Variants in MTHFS observed in about 807,000 individuals in gnomAD.
The protein encoded by MTHFS is 5-formyltetrahydrofolate cyclo-ligase.
Under a neutral mutation model 12.7 loss-of-function variants are expected in MTHFS, and 7 were observed. The ratio of observed to expected loss-of-function variants is 0.55; its 90% confidence interval spans 0.31 to 1.03. The LOEUF is 1.03. MTHFS is among the 50% of genes least tolerant of loss of function. The pLI is 0.05. For missense variants in MTHFS, 252 were observed against 258.1 expected (o/e 0.98, Z 0.16); for synonymous variants, 100 against 97.1 (o/e 1.03, Z -0.18).
At chr15:79,868,900 G>GCACA (rs995749711) in intron 2 of MTHFS, among the ~76,000 whole-genome samples, 4 of 151,996 alleles carry the variant, frequency 2.6e-5, no homozygotes, top group African/African-American at 9.7e-5. Flanking sequence ...AGATGTACAC[G>GCACA]CACACACACA....
intron 1 of MTHFS, among the ~76,000 whole-genome samples, chr15:79,893,924 A>G (rs2034519978): frequency 1.3e-5 from 2 of 152,208 alleles, no homozygotes; most frequent in African/African-American, 2.4e-5. Flanking sequence ...TACAGTGCCA[A>G]TAAGAATAAA....
chr15:79,864,544 CAACAAAAAAAAAAAAAAAAAAAAA>C (rs1215002456), intron 2 of MTHFS, among the ~76,000 whole-genome samples: 2 of 23,694 alleles, frequency 8.4e-5, no homozygotes, highest in African/African-American at 4.1e-4. Context: ...GACTCCATCT[CAACAAAAAAAAAAAAAAAAAAAAA>C]AAAAAAAAAA....
At chr15:79,852,531 C>G (rs2033733955) in intron 2 of MTHFS, among the ~76,000 whole-genome samples, 1 of 152,202 alleles carries the variant, frequency 6.6e-6, no homozygotes, top group African/African-American at 2.4e-5. Context: ...TTTTGGCCAT[C>G]TGGGAATATT....
chr15:79,881,577 G>GAA lies in MTHFS; in HGVS notation c.379+7514_379+7515dup, dbSNP rs369497390. On this transcript the variant is annotated intron_variant, in intron 2 of 2. Coordinates refer to ENST00000258874, the MANE Select transcript of MTHFS (RefSeq NM_006441.4). ...GTATTTAGCCGAATACAAAATGACT[G>GAA]AAAAAAAAAAAAAAGCTTAACTTTG... 1.8e-4 allele frequency among the ~76,000 whole-genome samples: 23 copies of GAA among 126,344 alleles called. No individual in the cohort carries two copies. The South Asian group carries it at 2.0e-3, about 11-fold the overall frequency. 82.9% of individuals were successfully genotyped at this position (126,344 alleles called of 152,430 possible).
intron 2 of MTHFS, among the ~76,000 whole-genome samples, chr15:79,863,871 T>C (rs1291389877): frequency 6.6e-6 from 1 of 152,210 alleles, no homozygotes; most frequent in East Asian, 1.9e-4. Context: ...CTCACTGATA[T>C]TTTGAAGTTT....
chr15:79,881,434 G>A (rs779326599), intron 2 of MTHFS, among the ~76,000 whole-genome samples: 7 of 152,228 alleles, frequency 4.6e-5, no homozygotes, highest in Non-Finnish European at 8.8e-5. Flanking sequence ...TTCTAAAGCC[G>A]CTGCAAAAGA....
At position 79,845,086 on chromosome 15, in the gene MTHFS, T is replaced by C; in HGVS notation, c.*124A>G. Reference sequence around the variant, plus strand: ...ATATAAGGTATTTCATAATTACAATTTTAAAATGCAGTCTGTATTCACATT... The same window carrying C: ...ATATAAGGTATTTCATAATTACAATCTTAAAATGCAGTCTGTATTCACATT... On this transcript the variant is annotated 3_prime_UTR_variant, in exon 3 of 3. Coordinates refer to ENST00000258874, the MANE Select transcript of MTHFS (RefSeq NM_006441.4). 1 of 1,271,206 alleles carries C rather than the reference T, an allele frequency of 7.9e-7. No homozygotes were observed. Among genetic ancestry groups the C allele is most frequent in the South Asian group, 1.5e-5 (1 of 65,400 alleles). The allele number at this position is 1,271,206 out of a possible 1,614,324, so 78.7% of individuals were successfully genotyped here.
intron 2 of MTHFS, among the ~76,000 whole-genome samples, chr15:79,858,392 TG>T (rs1165883639): frequency 5.3e-5 from 8 of 152,212 alleles, no homozygotes; most frequent in African/African-American, 1.7e-4. Flanking sequence ...GGTGGCCTAT[TG>T]TATCAACCAC....
intron 2 of MTHFS, among the ~76,000 whole-genome samples, chr15:79,888,871 G>A (rs899699757): frequency 6.6e-6 from 1 of 152,144 alleles, no homozygotes; most frequent in Non-Finnish European, 1.5e-5. Flanking sequence ...ACAAGGTAGG[G>A]CAACAATATG....
At chr15:79,855,268 T>C (rs1034917686) in intron 2 of MTHFS, among the ~76,000 whole-genome samples, 1 of 152,230 alleles carries the variant, frequency 6.6e-6, no homozygotes, top group African/African-American at 2.4e-5. Flanking sequence ...ATTTAAACTC[T>C]CTTTACTGCA....
chr15:79,872,139 G>A (rs570989758), intron 2 of MTHFS, among the ~76,000 whole-genome samples: 1 of 148,630 alleles, frequency 6.7e-6, no homozygotes, highest in South Asian at 2.1e-4. Flanking sequence ...TTTAAGTATA[G>A]CTACTTTATT....
intron 1 of MTHFS, among the ~76,000 whole-genome samples, chr15:79,890,823 G>C (rs2034460767): frequency 6.6e-6 from 1 of 152,210 alleles, no homozygotes; most frequent in African/African-American, 2.4e-5. Flanking sequence ...TTTGAGGCCT[G>C]AAATGGGCAA....
chr15:79,894,177 T>C (rs1019334913), intron 1 of MTHFS, among the ~76,000 whole-genome samples: 2 of 152,148 alleles, frequency 1.3e-5, no homozygotes, highest in African/African-American at 4.8e-5. Flanking sequence ...GAGGTCGAGT[T>C]CGAGACCACC....
intron 1 of MTHFS, 59 bp downstream of exon 1, chr15:79,896,813 G>T (rs976271673): frequency 2.3e-5 from 36 of 1,534,766 alleles, no homozygotes; most frequent in Non-Finnish European, 2.7e-5. Context: ...AGCAATCGCT[G>T]GCCGCCAGGC....
At chr15:79,861,469 G>GA (rs2033912087) in intron 2 of MTHFS, among the ~76,000 whole-genome samples, 1 of 152,190 alleles carries the variant, frequency 6.6e-6, no homozygotes, top group Non-Finnish European at 1.5e-5. Flanking sequence ...CTCACTCAGG[G>GA]AGAGGTCAAC....
chr15:79,896,714 GGGC>G, intron 1 of MTHFS, 155 bp downstream of exon 1: 1 of 1,269,916 alleles, frequency 7.9e-7, no homozygotes, highest in Non-Finnish European at 1.0e-6. Context: ...CACGACTAGG[GGGC>G]GTGCGCGCGC....
chr15:79,850,277 C>T (rs1326670866), intron 2 of MTHFS, among the ~76,000 whole-genome samples: 2 of 152,180 alleles, frequency 1.3e-5, no homozygotes, highest in Non-Finnish European at 2.9e-5. Context: ...CTTTTACAAT[C>T]TTACCTTAGA....
At chr15:79,849,022 T>C (rs1566986451) in intron 2 of MTHFS, among the ~76,000 whole-genome samples, 2 of 152,210 alleles carry the variant, frequency 1.3e-5, no homozygotes, top group Admixed American at 6.5e-5. Context: ...AATATAACTT[T>C]GTATGGCTGC....
intron 2 of MTHFS, among the ~76,000 whole-genome samples, chr15:79,861,688 C>T (rs543635615): frequency 2.2e-4 from 34 of 152,054 alleles, no homozygotes; most frequent in Non-Finnish European, 4.9e-4. Context: ...AGAAGCAACC[C>T]AAATAGCTAT....
Sources: allele counts gnomAD v4.1 joint callset (sites outside exome capture counted in the v4.1 genomes callset), GRCh38; gene constraint gnomAD v4.1.1; transcripts MANE v1.5; gene names NCBI Gene and HGNC (gene_info 2026-07-23, HGNC 2026-07-21).